FRK: variants seen among roughly 807,000 people sequenced by gnomAD.
FRK encodes tyrosine-protein kinase FRK.
FRK carries 51 observed loss-of-function variants against 56.4 expected under a neutral mutation model. The observed-to-expected ratio is 0.90, with a 90% CI of 0.72 to 1.14. The LOEUF is 1.14. Among genes scored for constraint, FRK ranks in the 50% most tolerant of loss-of-function variants. FRK has a pLI of 0.00. For synonymous variants in FRK, 245 were observed against 217.9 expected (o/e 1.12, Z -1.10); for missense variants, 570 against 601.4 (o/e 0.95, Z 0.55).
chr6:115,933,545 G>A lies in FRK; in HGVS notation c.*8869C>T, dbSNP rs1771993475. 1 of 152,082 alleles carries A rather than the reference G, an allele frequency of 6.6e-6. No individual in the cohort carries two copies. The highest frequency in any genetic ancestry group is 2.4e-5 in the African/African-American group (1 of 41,390). The allele number at this position is 152,082 out of a possible 1,614,324, so 9.4% of individuals were successfully genotyped here. On this transcript the variant is annotated 3_prime_UTR_variant, in exon 8 of 8. Coordinates refer to ENST00000606080, the MANE Select transcript of FRK (RefSeq NM_002031.3). ...AGAATCAAACACAGTAAGTTAAACG[G>A]GTATCAGGTGGTATTAAAACAGGAA...
At chr6:116,064,861 C>A (rs1267632997), upstream of FRK, among the ~76,000 whole-genome samples, 4 of 152,146 alleles carry the variant, frequency 2.6e-5, no homozygotes, top group Non-Finnish European at 5.9e-5. Flanking sequence ...CCTTTCAACA[C>A]CCCCTCCATT....
the FRK span, among the ~76,000 whole-genome samples, chr6:116,085,568 G>A: frequency 6.6e-6 from 1 of 152,216 alleles, no homozygotes; most frequent in Non-Finnish European, 1.5e-5. Context: ...TTTCCATGCT[G>A]TTACGATGAG....
intron 1 of FRK, among the ~76,000 whole-genome samples, chr6:116,052,916 T>C (rs1245319543): frequency 1.3e-5 from 2 of 152,102 alleles, no homozygotes; most frequent in African/African-American, 2.4e-5. Context: ...AACATAATAT[T>C]TATTAAACCT....
At chr6:116,038,322 T>C (rs1776564324) in intron 1 of FRK, among the ~76,000 whole-genome samples, 1 of 152,158 alleles carries the variant, frequency 6.6e-6, no homozygotes, top group African/African-American at 2.4e-5. Context: ...ATGTAAAACA[T>C]GTCAAGACTG....
At chr6:116,087,533 C>A in the FRK span, among the ~76,000 whole-genome samples, 1 of 152,192 alleles carries the variant, frequency 6.6e-6, no homozygotes, top group Non-Finnish European at 1.5e-5. Flanking sequence ...GACACGAACA[C>A]GTTTGGAAAG....
At chr6:115,972,406 C>A (rs989802458) in intron 2 of FRK, among the ~76,000 whole-genome samples, 11 of 152,204 alleles carry the variant, frequency 7.2e-5, no homozygotes, top group Admixed American at 1.3e-4. Flanking sequence ...ATCCTCCCAA[C>A]TGCAGAGGGT....
At chr6:115,958,750 A>AGAAG (rs1491171855) in intron 4 of FRK, among the ~76,000 whole-genome samples, 1 of 38,954 alleles carries the variant, frequency 2.6e-5, no homozygotes, top group African/African-American at 8.2e-5. Flanking sequence ...AAAGAAAGAA[A>AGAAG]GAAAGAAAGA....
At chr6:116,087,790 C>T in the FRK span, among the ~76,000 whole-genome samples, 1 of 152,224 alleles carries the variant, frequency 6.6e-6, no homozygotes, top group African/African-American at 2.4e-5. Flanking sequence ...GGCACTGGTA[C>T]TCTGTTTCAC....
chr6:116,027,117 T>C (rs571986029), intron 1 of FRK, among the ~76,000 whole-genome samples: 332 of 152,288 alleles, frequency 2.2e-3, no homozygotes, highest in Non-Finnish European at 3.9e-3. Context: ...AAAGTAATTG[T>C]TACTAATTAC....
intron 1 of FRK, among the ~76,000 whole-genome samples, chr6:116,011,737 G>A (rs1775479640): frequency 6.6e-6 from 1 of 152,134 alleles, no homozygotes; most frequent in South Asian, 2.1e-4. Flanking sequence ...ACCACATTTA[G>A]TCATTTATGG....
chr6:116,032,381 T>C (rs573607370), intron 1 of FRK, among the ~76,000 whole-genome samples: 1 of 152,060 alleles, frequency 6.6e-6, no homozygotes, highest in Admixed American at 6.6e-5. Flanking sequence ...ACATTTAAGA[T>C]AAAAAGAGGC....
chr6:116,026,306 T>G (rs928961553), intron 1 of FRK, among the ~76,000 whole-genome samples: 8 of 152,288 alleles, frequency 5.3e-5, no homozygotes, highest in African/African-American at 1.9e-4. Flanking sequence ...TTCATTTACA[T>G]AGTTTTGAAC....
chr6:116,038,650 A>AT (rs1018164295), intron 1 of FRK: 45 of 322,752 alleles, frequency 1.4e-4, no homozygotes, highest in Middle Eastern at 9.8e-4. Flanking sequence ...AGGTTCTTAC[A>AT]TTTTTTTTAA....
At chr6:116,045,262 G>C (rs1190208179) in intron 1 of FRK, among the ~76,000 whole-genome samples, 1 of 152,114 alleles carries the variant, frequency 6.6e-6, no homozygotes, top group East Asian at 1.9e-4. Flanking sequence ...CCAAAAAAGA[G>C]CCCACATAGC....
intron 1 of FRK, among the ~76,000 whole-genome samples, chr6:116,025,353 A>G (rs1355128763): frequency 6.6e-6 from 1 of 152,184 alleles, no homozygotes; most frequent in Non-Finnish European, 1.5e-5. Flanking sequence ...TTTGGAAAAG[A>G]TATATTCAGA....
chr6:116,003,355 G>A (rs754013607), intron 2 of FRK, among the ~76,000 whole-genome samples: 1 of 152,170 alleles, frequency 6.6e-6, no homozygotes, highest in Non-Finnish European at 1.5e-5. Context: ...GGTCCCCTGT[G>A]CTTCTTTTCT....
At chr6:116,097,069 G>A in the FRK span, among the ~76,000 whole-genome samples, 1 of 152,036 alleles carries the variant, frequency 6.6e-6, no homozygotes, top group Non-Finnish European at 1.5e-5. Context: ...TAAGAACAGA[G>A]TAGAAAATCA....
chr6:116,060,342 C>T lies in FRK; in HGVS notation c.-31G>A. ...CTTGGTGGGGAGAAGAGGAGCAGGG[C>T]TTCTCCCTCTCCCCTTAGTCTCTGC... On this transcript the variant is annotated 5_prime_UTR_variant, in exon 1 of 8. Coordinates refer to ENST00000606080, the MANE Select transcript of FRK (RefSeq NM_002031.3). 6.5e-7 allele frequency: 1 copy of T among 1,545,852 alleles called. No homozygotes were observed. Among genetic ancestry groups the T allele is most frequent in the South Asian group, 1.2e-5 (1 of 86,002 alleles).
intron 1 of FRK, among the ~76,000 whole-genome samples, chr6:116,054,869 T>A (rs1777331533): frequency 1.3e-5 from 2 of 152,058 alleles, no homozygotes; most frequent in African/African-American, 4.8e-5. Flanking sequence ...TTATGAATAT[T>A]CTGATGACTT....
Sources: allele counts gnomAD v4.1 joint callset (sites outside exome capture counted in the v4.1 genomes callset), GRCh38; gene constraint gnomAD v4.1.1; transcripts MANE v1.5; gene names NCBI Gene and HGNC (gene_info 2026-07-23, HGNC 2026-07-21).